The following KCNMB2 variants were observed in gnomAD, a reference collection of about 807,000 sequenced individuals.
KCNMB2 encodes the protein calcium-activated potassium channel subunit beta-2.
In KCNMB2, 9 loss-of-function variants were observed where a neutral mutation model predicts 24.5. That is an observed-to-expected ratio of 0.37 (90% CI 0.22 to 0.64). The LOEUF is 0.64. Among genes scored for constraint, KCNMB2 ranks in the 30% least tolerant of loss-of-function variants. The probability of loss-of-function intolerance (pLI) is 0.63; values close to 1 mark genes in which losing one functional copy is unlikely to be tolerated. For missense variants in KCNMB2, 226 were observed against 284.3 expected (o/e 0.79, Z 1.47); for synonymous variants, 109 against 104.4 (o/e 1.04, Z -0.27).
At position 178,716,513 on chromosome 3, in the gene KCNMB2, G is replaced by A. The variant is rs187054668; in HGVS notation, c.-67-90830G>A. ...GGCTGGAGTGCAATGGCACGATCTC[G>A]GCTCACTGCAATTTCCACCTCCGAG... On this transcript the variant is annotated intron_variant, in intron 1 of 4. Transcript: ENST00000452583. 1.0e-3 allele frequency among the ~76,000 whole-genome samples: 150 copies of A among 149,234 alleles called. 1 individual carries two copies. The South Asian group carries it at 0.014, about 14-fold the overall frequency.
chr3:178,780,415 C>T (rs1712782022), intron 1 of KCNMB2, among the ~76,000 whole-genome samples: 1 of 152,226 alleles, frequency 6.6e-6, no homozygotes. Context: ...CCAGTTGAGA[C>T]TCAGGGATGC....
chr3:178,579,322 G>A (rs1717112057), intron 1 of KCNMB2, among the ~76,000 whole-genome samples: 1 of 152,136 alleles, frequency 6.6e-6, no homozygotes, highest in Non-Finnish European at 1.5e-5. Flanking sequence ...TGAAACTAAT[G>A]AGAACAAAGA....
intron 1 of KCNMB2, among the ~76,000 whole-genome samples, chr3:178,595,579 C>A (rs1052269437): frequency 1.3e-5 from 2 of 152,060 alleles, no homozygotes; most frequent in Non-Finnish European, 1.5e-5. Context: ...TTAGTGCTAA[C>A]GAGATCTGGT....
intron 4 of KCNMB2, among the ~76,000 whole-genome samples, chr3:178,834,915 G>A (rs574253336): frequency 5.9e-4 from 90 of 151,950 alleles, no homozygotes; most frequent in African/African-American, 2.1e-3. Flanking sequence ...AAGAAAAGCG[G>A]GGGAAGGAAC....
chr3:178,715,882 C>T (rs1434212008), intron 1 of KCNMB2, among the ~76,000 whole-genome samples: 1 of 152,176 alleles, frequency 6.6e-6, no homozygotes, highest in African/African-American at 2.4e-5. Flanking sequence ...GAACAGAAGT[C>T]AACTTTTCAG....
At chr3:178,547,166 C>T (rs1457461305) in intron 1 of KCNMB2, among the ~76,000 whole-genome samples, 2 of 152,036 alleles carry the variant, frequency 1.3e-5, no homozygotes, top group African/African-American at 2.4e-5. Flanking sequence ...GCCCCCTTTT[C>T]CTCCTTCACT....
chr3:178,722,206 A>G (rs1192268393), intron 1 of KCNMB2, among the ~76,000 whole-genome samples: 2 of 152,140 alleles, frequency 1.3e-5, no homozygotes, highest in Non-Finnish European at 2.9e-5. Context: ...TAATTTTTTA[A>G]TAAGGGGGTA....
At chr3:178,827,748 C>T (rs1181842146) in intron 3 of KCNMB2, among the ~76,000 whole-genome samples, 7 of 152,170 alleles carry the variant, frequency 4.6e-5, no homozygotes, top group Admixed American at 4.6e-4. Flanking sequence ...TCTGTGCCTA[C>T]AAACTGGGCT....
intron 1 of KCNMB2, among the ~76,000 whole-genome samples, chr3:178,793,229 T>C (rs997067474): frequency 1.3e-5 from 2 of 152,190 alleles, no homozygotes; most frequent in African/African-American, 4.8e-5. Context: ...CTACCAGATT[T>C]AATAGACATT....
intron 1 of KCNMB2, among the ~76,000 whole-genome samples, chr3:178,545,768 GTTT>G (rs1715752992): frequency 4.4e-5 from 4 of 90,396 alleles, no homozygotes; most frequent in Non-Finnish European, 1.1e-4. Context: ...TCTCTGGATT[GTTT>G]GTTTGTTTCC....
intron 1 of KCNMB2, among the ~76,000 whole-genome samples, chr3:178,576,119 G>A (rs1716979596): frequency 1.3e-5 from 2 of 152,002 alleles, no homozygotes; most frequent in Non-Finnish European, 2.9e-5. Context: ...GAAGGCGGGT[G>A]ATTTCTGCAT....
chr3:178,542,076 G>T (rs1016182017), intron 1 of KCNMB2, among the ~76,000 whole-genome samples: 1 of 152,136 alleles, frequency 6.6e-6, no homozygotes, highest in African/African-American at 2.4e-5. Context: ...CAGGGATGAG[G>T]ACCCCTTCCC....
chr3:178,781,464 C>T (rs1473865710), intron 1 of KCNMB2, among the ~76,000 whole-genome samples: 3 of 151,966 alleles, frequency 2.0e-5, no homozygotes, highest in Admixed American at 6.6e-5. Context: ...TGGTGGCACA[C>T]GCCTGTAATC....
chr3:178,749,439 C>T (rs2108386774), intron 1 of KCNMB2, among the ~76,000 whole-genome samples: 1 of 152,308 alleles, frequency 6.6e-6, no homozygotes, highest in Non-Finnish European at 1.5e-5. Context: ...TCTAGTCCAA[C>T]TTATTCAAAA....
intron 1 of KCNMB2, among the ~76,000 whole-genome samples, chr3:178,754,689 C>T (rs1156917483): frequency 2.0e-5 from 3 of 152,088 alleles, no homozygotes; most frequent in Admixed American, 6.6e-5. Context: ...TCTAATCTGA[C>T]GTTTATAGAT....
At chr3:178,817,479 A>C in intron 2 of KCNMB2, among the ~76,000 whole-genome samples, 1 of 152,254 alleles carries the variant, frequency 6.6e-6, no homozygotes, top group East Asian at 1.9e-4. Flanking sequence ...GGCTGTGTTC[A>C]TCAAAGCCAT....
In KCNMB2 at chr3:178,551,319, T is replaced by TGA. The variant is rs1411896471; in HGVS notation, c.-68+14610_-68+14611dup. ...CTATTATTCTCACAACTCTGTGTGG[T>TGA]GAGCATCACCATCCCCATTTAGGAC... On this transcript the variant is annotated intron_variant, in intron 1 of 4. Transcript: ENST00000452583. Among the ~76,000 whole-genome samples the TGA allele has an allele frequency of 1.3e-5, 2 of 152,206 alleles. 1 individual carries two copies. The highest frequency in any genetic ancestry group is 6.3e-3 in the Middle Eastern group (2 of 316).
chr3:178,827,023 T>TC (rs1419860141), intron 3 of KCNMB2, among the ~76,000 whole-genome samples: 1 of 152,136 alleles, frequency 6.6e-6, no homozygotes, highest in African/African-American at 2.4e-5. Flanking sequence ...AGGGAGGGGA[T>TC]CAGGTCTAGT....
At chr3:178,762,086 A>G (rs1332340509) in intron 1 of KCNMB2, among the ~76,000 whole-genome samples, 39 of 152,066 alleles carry the variant, frequency 2.6e-4, no homozygotes, top group Middle Eastern at 3.4e-3. Context: ...CAGGAGAATC[A>G]CTTGAACCCG....
Sources: gnomAD v4.1 joint callset for allele counts (sites outside exome capture counted in the v4.1 genomes callset) on GRCh38, gnomAD v4.1.1 for gene constraint, MANE v1.5 for transcripts, NCBI Gene and HGNC (gene_info 2026-07-23, HGNC 2026-07-21) for gene names.